NUDC: variants seen among roughly 807,000 people sequenced by gnomAD.
The protein encoded by NUDC is nuclear migration protein nudC.
Under a neutral mutation model 45.0 loss-of-function variants are expected in NUDC, and 14 were observed. The ratio of observed to expected loss-of-function variants is 0.31; its 90% confidence interval spans 0.21 to 0.49. The LOEUF (loss-of-function observed/expected upper bound fraction) is 0.49. NUDC is among the 20% of genes least tolerant of loss of function. The pLI is 0.99. For synonymous variants in NUDC, 153 were observed against 156.7 expected, an observed-to-expected ratio of 0.98 and a Z score of 0.17; for missense variants, 323 against 426.2, an observed-to-expected ratio of 0.76 and a Z score of 2.13.
intron 2 of NUDC, among the ~76,000 whole-genome samples, chr1:26,925,926 T>G (rs930916054): frequency 2.6e-5 from 4 of 152,000 alleles, no homozygotes; most frequent in Non-Finnish European, 5.9e-5. Flanking sequence ...TTCACCATGT[T>G]GGCCAGGCTG....
chr1:26,918,355 C>T (rs1176372992), upstream of NUDC, among the ~76,000 whole-genome samples: 1 of 150,382 alleles, frequency 6.6e-6, no homozygotes, highest in African/African-American at 2.5e-5. Flanking sequence ...CTCACTGCAA[C>T]CTCCGCCTCC....
rs2082319279 is a variant in NUDC, at chr1:26,946,577, T to C, written c.*396T>C. 6.4e-6 allele frequency: 2 copies of C among 311,412 alleles called. No homozygotes were observed. The highest frequency in any genetic ancestry group is 4.3e-5 in the African/African-American group (2 of 46,102). The allele number at this position is 311,412 out of a possible 1,614,324, so 19.3% of individuals were successfully genotyped here. ...AAGATTAAAACAAGGCTTGGCCGGGTGTGATGGTTCATGTCTGTAATCCCA... is the reference window on the plus strand; with the variant it reads ...AAGATTAAAACAAGGCTTGGCCGGGCGTGATGGTTCATGTCTGTAATCCCA... On this transcript the variant is annotated 3_prime_UTR_variant, in exon 9 of 9. Coordinates refer to ENST00000321265, the MANE Select transcript of NUDC (RefSeq NM_006600.4).
intron 3 of NUDC, chr1:26,911,859 G>A: frequency 6.2e-7 from 1 of 1,614,204 alleles, no homozygotes; most frequent in Non-Finnish European, 8.5e-7. Context: ...CTGAGCAAAA[G>A]CATGTCCCCA....
chr1:26,911,245 C>T (rs571301777), intron 3 of NUDC: 15 of 454,872 alleles, frequency 3.3e-5, no homozygotes, highest in South Asian at 1.1e-4. Flanking sequence ...GGTAAGAGGG[C>T]GCCTGAAGTG....
At chr1:26,901,397 C>CTTTTTTTTTTT (rs34988488) in intron 1 of NUDC, among the ~76,000 whole-genome samples, 6 of 73,620 alleles carry the variant, frequency 8.1e-5, no homozygotes, top group African/African-American at 1.7e-4. Flanking sequence ...GCCTTTTTGT[C>CTTTTTTTTTTT]TTTTTTTTTT....
intron 2 of NUDC, among the ~76,000 whole-genome samples, chr1:26,925,787 T>C (rs1010714732): frequency 3.6e-4 from 53 of 148,708 alleles, no homozygotes; most frequent in African/African-American, 1.2e-3. Flanking sequence ...AATGGCACGA[T>C]CTCAGCTCAC....
intron 6 of NUDC, among the ~76,000 whole-genome samples, chr1:26,944,341 TGCGA>T (rs1029233893): frequency 7.2e-5 from 11 of 152,222 alleles, no homozygotes; most frequent in African/African-American, 2.4e-4. Context: ...CCTGAGTAAC[TGCGA>T]GCGCCACCCT....
rs1403271748 is a variant in NUDC at position 26,936,153 on chromosome 1, A to G, written c.160-5304A>G. Reference sequence around the variant, plus strand: ...CCGGCTAATATATATATATATATATATATATATATATATTTTTTTTTTTTT... The same window carrying G: ...CCGGCTAATATATATATATATATATGTATATATATATATTTTTTTTTTTTT... On this transcript the variant is annotated intron_variant, in intron 2 of 8. Coordinates refer to ENST00000321265, the MANE Select transcript of NUDC (RefSeq NM_006600.4). Among the ~76,000 whole-genome samples, 3 of 8,088 alleles carry G rather than the reference A, an allele frequency of 3.7e-4. 1 individual carries two copies. Among genetic ancestry groups the G allele is most frequent in the Non-Finnish European group, 6.8e-4 (3 of 4,402 alleles). 5.3% of individuals were successfully genotyped at this position (8,088 alleles called of 152,430 possible). A position where few individuals can be genotyped will look rare whatever the true frequency, so the allele number is the denominator to read the frequency against.
chr1:26,945,395 T>G lies in NUDC; in HGVS notation c.747T>G (p.Asn249Lys). 3 of 1,613,998 alleles carry G rather than the reference T, an allele frequency of 1.9e-6. No homozygotes were observed. The highest frequency in any genetic ancestry group is 2.5e-6 in the Non-Finnish European group (3 of 1,179,932). Reference protein sequence around the residue: ...KVVTVHLEKINKMEWWSRLVS... With the variant: ...KVVTVHLEKIKKMEWWSRLVS... ...TCTGGTTGTTCTCTTCACAGATCAATAAGATGGAGTGGTGGAGCCGCTTGG... is the reference window on the plus strand; with the variant it reads ...TCTGGTTGTTCTCTTCACAGATCAAGAAGATGGAGTGGTGGAGCCGCTTGG... Residue 249 changes from asparagine to lysine, a missense_variant, in exon 7 of 9, where the codon AAT (asparagine) becomes AAG (lysine). Physicochemically the swap from Asn to Lys is moderately conservative, Grantham distance 94. This residue lies in a region of NUDC where 245 missense variants were observed against 278.8 expected (regional missense o/e 0.88). Coordinates refer to ENST00000321265, the MANE Select transcript of NUDC (RefSeq NM_006600.4).
chr1:26,900,538 T>A, intron 1 of NUDC: 1 of 1,015,538 alleles, frequency 9.8e-7, no homozygotes, highest in Non-Finnish European at 1.4e-6. Context: ...AAATTCTAAC[T>A]AGTCCTTTGG....
chr1:26,900,362 G>C (rs762674817), exon 1 of NUDC: 5 of 1,614,036 alleles, frequency 3.1e-6, no homozygotes, highest in South Asian at 1.1e-5. Context: ...TCCGTAAATG[G>C]GCCGAGCGCA....
At chr1:26,934,467 T>G (rs2082210181) in intron 2 of NUDC, among the ~76,000 whole-genome samples, 1 of 152,152 alleles carries the variant, frequency 6.6e-6, no homozygotes, top group Non-Finnish European at 1.5e-5. Context: ...ATTCTGCCCC[T>G]GGTACCCCCG....
chr1:26,924,016 C>A, intron 1 of NUDC, 73 bp from the exon 2 acceptor site: 1 of 1,376,046 alleles, frequency 7.3e-7, no homozygotes, highest in Non-Finnish European at 1.0e-6. Context: ...CTAGACAAAA[C>A]AAGTTGACTT....
chr1:26,923,900 A>G (rs998494066), intron 1 of NUDC, among the ~76,000 whole-genome samples, 189 bp from the exon 2 acceptor site: 1 of 152,164 alleles, frequency 6.6e-6, no homozygotes. Context: ...CACACAGGAT[A>G]TGAGAAATCT....
intron 2 of NUDC, among the ~76,000 whole-genome samples, chr1:26,937,694 C>A (rs2124130045): frequency 6.6e-6 from 1 of 151,668 alleles, no homozygotes; most frequent in South Asian, 2.1e-4. Context: ...GCTCTGTCAC[C>A]CAGGCTGGGG....
In NUDC at chr1:26,900,294, C is replaced by A. The variant is rs772863249; in HGVS notation, c.-207C>A. 27 of 1,613,792 alleles carry A rather than the reference C, an allele frequency of 1.7e-5. No individual in the cohort carries two copies. The South Asian group carries it at 2.3e-4, about 14-fold the overall frequency. On this transcript the variant is annotated 5_prime_UTR_variant, in exon 1 of 7. Coordinates refer to the NUDC transcript ENST00000435827. ...CGGAGGGGCCCGCTCAGGCCGATGC[C>A]GGTAGTGGAAACAGAGGAAGCCACC...
intron 2 of NUDC, among the ~76,000 whole-genome samples, chr1:26,925,466 G>A (rs1216796803): frequency 5.0e-5 from 7 of 140,974 alleles, no homozygotes; most frequent in Non-Finnish European, 9.0e-5. Flanking sequence ...CGTGAACCCC[G>A]GGGGGCGGAG....
At chr1:26,927,265 G>GTGTGTGTGTA (rs2082141146) in intron 2 of NUDC, among the ~76,000 whole-genome samples, 2 of 1,538 alleles carry the variant, frequency 1.3e-3, no homozygotes, top group African/African-American at 3.0e-3. Flanking sequence ...GAGATGAACC[G>GTGTGTGTGTA]TGTGTGTGTG....
chr1:26,922,331 A>G, intron 1 of NUDC: 1 of 294,150 alleles, frequency 3.4e-6, no homozygotes, highest in South Asian at 3.2e-5. Flanking sequence ...GGCTGATGTT[A>G]GCACGTGGTC....
Sources: gnomAD v4.1 joint callset for allele counts (sites outside exome capture counted in the v4.1 genomes callset) on GRCh38, gnomAD v4.1.1 for gene constraint, gnomAD v4.1.1 regional missense constraint, MANE v1.5 for transcripts, NCBI Gene and HGNC (gene_info 2026-07-23, HGNC 2026-07-21) for gene names.